The following PTPRD variants were observed in gnomAD, a reference collection of about 807,000 sequenced individuals.
PTPRD encodes the protein protein tyrosine phosphatase receptor type D, also known as receptor-type tyrosine-protein phosphatase delta.
A neutral mutation model predicts 214.5 loss-of-function variants in PTPRD; 34 were observed. The observed-to-expected ratio is 0.16, with a 90% CI of 0.12 to 0.21. The LOEUF is 0.21. PTPRD is among the 10% of genes least tolerant of loss of function. PTPRD has a pLI of 1.00. For missense variants in PTPRD, 2,545 were observed against 2,398.7 expected (o/e 1.06, Z -1.27); for synonymous variants, 1,128 against 845.7 (o/e 1.33, Z -5.79).
intron 5 of PTPRD, among the ~76,000 whole-genome samples, chr9:9,899,671 C>A: frequency 6.6e-6 from 1 of 151,502 alleles, no homozygotes. Flanking sequence ...ATAGAACCAC[C>A]ATATAAGCCA....
At chr9:9,321,797 T>A (rs1004892064) in intron 9 of PTPRD, among the ~76,000 whole-genome samples, 2 of 152,152 alleles carry the variant, frequency 1.3e-5, no homozygotes, top group Admixed American at 1.3e-4. Flanking sequence ...GTCATATGGT[T>A]GTTGAGAGGA....
intron 3 of PTPRD, among the ~76,000 whole-genome samples, chr9:10,081,680 G>A (rs2098240372): frequency 6.6e-6 from 1 of 152,050 alleles, no homozygotes; most frequent in African/African-American, 2.4e-5. Flanking sequence ...GGTGCTTTGT[G>A]ATAGCACCCC....
At chr9:10,119,873 G>A (rs927977879) in intron 3 of PTPRD, among the ~76,000 whole-genome samples, 21 of 151,936 alleles carry the variant, frequency 1.4e-4, no homozygotes, top group Non-Finnish European at 2.4e-4. Flanking sequence ...ATCAGAAAAC[G>A]TAGGAGGGCA....
At chr9:10,068,811 T>A (rs2154177270) in intron 3 of PTPRD, among the ~76,000 whole-genome samples, 1 of 152,038 alleles carries the variant, frequency 6.6e-6, no homozygotes, top group East Asian at 1.9e-4. Flanking sequence ...ATACTCTCCC[T>A]TTTTTTCACT....
intron 2 of PTPRD, among the ~76,000 whole-genome samples, chr9:10,497,232 C>T (rs2042335596): frequency 6.6e-6 from 1 of 151,946 alleles, no homozygotes. Context: ...ATCCATACCC[C>T]TAACTTCAGC....
intron 39 of PTPRD, among the ~76,000 whole-genome samples, chr9:8,364,334 G>C (rs946101980): frequency 1.3e-5 from 2 of 152,256 alleles, no homozygotes; most frequent in African/African-American, 4.8e-5. Context: ...TCATTGGACA[G>C]TGTACCACAC....
intron 11 of PTPRD, among the ~76,000 whole-genome samples, chr9:8,797,728 T>C (rs1600130295): frequency 6.6e-6 from 1 of 152,232 alleles, no homozygotes; most frequent in East Asian, 1.9e-4. Context: ...ATGCTTTGTA[T>C]TAAAGATATT....
chr9:9,539,458 A>G (rs1009355903), intron 8 of PTPRD, among the ~76,000 whole-genome samples: 11 of 151,904 alleles, frequency 7.2e-5, no homozygotes, highest in African/African-American at 2.7e-4. Context: ...CTCATAAGTC[A>G]TGAGCTGATC....
chr9:8,802,930 T>C (rs1387480469), intron 11 of PTPRD, among the ~76,000 whole-genome samples: 1 of 152,028 alleles, frequency 6.6e-6, no homozygotes, highest in East Asian at 1.9e-4. Context: ...CACACACCTG[T>C]AGTCTCAGCT....
intron 9 of PTPRD, among the ~76,000 whole-genome samples, chr9:9,267,192 C>T (rs78361644): frequency 6.6e-6 from 1 of 150,948 alleles, no homozygotes; most frequent in African/African-American, 2.4e-5. Flanking sequence ...ACATAAAGAG[C>T]AAAAACTCAA....
chr9:9,069,664 C>T (rs1163780786), intron 10 of PTPRD, among the ~76,000 whole-genome samples: 1 of 152,162 alleles, frequency 6.6e-6, no homozygotes, highest in Admixed American at 6.5e-5. Flanking sequence ...TGACCAGTGT[C>T]GTGCCTGACT....
chr9:8,975,132 T>C (rs1481468399), intron 11 of PTPRD, among the ~76,000 whole-genome samples: 1 of 151,666 alleles, frequency 6.6e-6, no homozygotes, highest in Non-Finnish European at 1.5e-5. Flanking sequence ...AGAGACTGTT[T>C]ATCAAAGTAG....
chr9:8,668,392 T>C (rs1393731719), intron 12 of PTPRD, among the ~76,000 whole-genome samples: 1 of 152,234 alleles, frequency 6.6e-6, no homozygotes, highest in African/African-American at 2.4e-5. Flanking sequence ...TCTAATTACA[T>C]GCAGATAGAT....
chr9:9,028,256 C>G (rs1179915537), intron 10 of PTPRD, among the ~76,000 whole-genome samples: 1 of 151,928 alleles, frequency 6.6e-6, no homozygotes, highest in Non-Finnish European at 1.5e-5. Flanking sequence ...TTTGTTGAAG[C>G]TCACTAAATT....
chr9:8,738,294 C>T (rs1288936036), intron 11 of PTPRD, among the ~76,000 whole-genome samples: 1 of 152,100 alleles, frequency 6.6e-6, no homozygotes, highest in Non-Finnish European at 1.5e-5. Context: ...CTTCAACTTA[C>T]CATTGTAACA....
intron 3 of PTPRD, among the ~76,000 whole-genome samples, chr9:10,221,277 T>C (rs1367281388): frequency 6.6e-6 from 1 of 151,992 alleles, no homozygotes; most frequent in Non-Finnish European, 1.5e-5. Flanking sequence ...ACAAACATAT[T>C]CATGCTCACG....
chr9:8,847,304 TATC>T (rs1257178102), intron 11 of PTPRD, among the ~76,000 whole-genome samples: 2 of 152,160 alleles, frequency 1.3e-5, no homozygotes, highest in South Asian at 2.1e-4. Flanking sequence ...TTATTAAACT[TATC>T]ATTCTTAATT....
At chr9:9,177,911 T>C (rs868308000) in intron 10 of PTPRD, among the ~76,000 whole-genome samples, 5 of 152,254 alleles carry the variant, frequency 3.3e-5, no homozygotes, top group African/African-American at 1.2e-4. Flanking sequence ...CAGACACTAT[T>C]TGATACATGG....
rs537151814 is a variant in PTPRD at position 9,208,680 on chromosome 9, G to A, written c.-202-25317C>T. On this transcript the variant is annotated intron_variant, in intron 9 of 45. Transcript: ENST00000381196. ...TAGGGAAAGTTTCTCTATGTAGAAA[G>A]AAATAAAGAAGATACGATAAAATTG... Among the ~76,000 whole-genome samples the A allele has an allele frequency of 2.6e-5, 4 of 152,072 alleles. No homozygotes were observed. The South Asian group carries it at 8.3e-4, about 32-fold the overall frequency.
Sources: gnomAD v4.1 joint callset for allele counts (sites outside exome capture counted in the v4.1 genomes callset) on GRCh38, gnomAD v4.1.1 for gene constraint, MANE v1.5 for transcripts, NCBI Gene and HGNC (gene_info 2026-07-23, HGNC 2026-07-21) for gene names.